Variants in LUZP2 observed in about 807,000 individuals in gnomAD.
The protein encoded by LUZP2 is leucine zipper protein 2.
Under a neutral mutation model 51.6 loss-of-function variants are expected in LUZP2, and 52 were observed. That is an observed-to-expected ratio of 1.01 (90% confidence interval 0.81 to 1.27). The LOEUF is 1.27. Among genes scored for constraint, LUZP2 ranks in the 50% most tolerant of loss-of-function variants. The pLI is 0.00. For synonymous variants in LUZP2, 154 were observed against 137.3 expected, an observed-to-expected ratio of 1.12 and a Z score of -0.85; for missense variants, 436 against 395.4, an observed-to-expected ratio of 1.10 and a Z score of -0.87.
At chr11:24,690,143 G>T (rs1053287103) in intron 1 of LUZP2, among the ~76,000 whole-genome samples, 2 of 151,786 alleles carry the variant, frequency 1.3e-5, no homozygotes, top group African/African-American at 4.8e-5. Context: ...ATTTTTATAA[G>T]ATTTTAATTT....
intron 7 of LUZP2, among the ~76,000 whole-genome samples, chr11:24,961,380 C>G (rs1003044793): frequency 2.0e-5 from 3 of 152,114 alleles, no homozygotes; most frequent in African/African-American, 4.8e-5. Flanking sequence ...GTGTGGGAGT[C>G]TAAGTCTCTT....
intron 9 of LUZP2, among the ~76,000 whole-genome samples, chr11:25,002,875 G>T (rs1042660694): frequency 1.1e-4 from 16 of 151,916 alleles, no homozygotes; most frequent in Non-Finnish European, 2.1e-4. Context: ...TTGCCCTCTG[G>T]GTCTCCTTGA....
Position 24,726,898 on chromosome 11 carries a change from T to C in LUZP2, c.63-2271T>C, listed in dbSNP as rs184117758. 7.7e-3 allele frequency among the ~76,000 whole-genome samples: 1,179 copies of C among 152,208 alleles called. 9 individuals are homozygous for C. Among genetic ancestry groups the C allele is most frequent in the Non-Finnish European group, 0.01 (693 of 67,964 alleles). ...AAAATGTTAGCCAATACTTTCATTA[T>C]GGTTACTTCCGCAGTGTAATTTGGT... On this transcript the variant is annotated intron_variant, in intron 1 of 11. Coordinates refer to ENST00000336930, the MANE Select transcript of LUZP2 (RefSeq NM_001009909.4).
chr11:24,664,843 T>G, intron 1 of LUZP2, among the ~76,000 whole-genome samples: 1 of 152,032 alleles, frequency 6.6e-6, no homozygotes, highest in East Asian at 1.9e-4. Flanking sequence ...CAGGCAGGAG[T>G]TTGCTGCAGG....
intron 7 of LUZP2, among the ~76,000 whole-genome samples, chr11:24,930,829 A>C (rs1458090872): frequency 1.3e-5 from 2 of 152,158 alleles, no homozygotes; most frequent in African/African-American, 4.8e-5. Context: ...TTCTAAACTT[A>C]TAGATTTCTT....
At chr11:24,597,958 G>A (rs11028043) in intron 1 of LUZP2, among the ~76,000 whole-genome samples, 26,198 of 151,976 alleles carry the variant, frequency 0.17, 2,702 homozygotes, top group Middle Eastern at 0.33. Flanking sequence ...AAAATTAGCC[G>A]GGTGTGATGG....
intron 5 of LUZP2, among the ~76,000 whole-genome samples, chr11:24,781,989 C>A (rs1329877936): frequency 6.6e-6 from 1 of 151,956 alleles, no homozygotes; most frequent in African/African-American, 2.4e-5. Context: ...GATAAGAAGA[C>A]TCTAAGTAAG....
chr11:25,009,265 G>A (rs901542031), intron 9 of LUZP2, among the ~76,000 whole-genome samples: 1 of 152,098 alleles, frequency 6.6e-6, no homozygotes, highest in Non-Finnish European at 1.5e-5. Context: ...AGTGAGATAC[G>A]TACTTTAAAT....
At position 24,683,031 on chromosome 11, in the gene LUZP2, T is replaced by C. The variant is rs370909629; in HGVS notation, c.63-46138T>C. Reference sequence around the variant, plus strand: ...TTAGTGATTGTGGGAAAGCCAAATATGTGCTCTCATTGAACATCATATCAG... The same window carrying C: ...TTAGTGATTGTGGGAAAGCCAAATACGTGCTCTCATTGAACATCATATCAG... On this transcript the variant is annotated intron_variant, in intron 1 of 11. Transcript: ENST00000336930. 1.6e-4 allele frequency among the ~76,000 whole-genome samples: 24 copies of C among 152,150 alleles called. 1 individual carries two copies. The highest frequency in any genetic ancestry group is 1.2e-3 in the Admixed American group (18 of 15,276).
At chr11:24,890,018 G>A (rs946391783) in intron 5 of LUZP2, among the ~76,000 whole-genome samples, 2 of 152,166 alleles carry the variant, frequency 1.3e-5, no homozygotes, top group South Asian at 4.1e-4. Flanking sequence ...GGGAATTCAA[G>A]TGAAATTTTA....
At chr11:24,656,594 T>C (rs916108549) in intron 1 of LUZP2, among the ~76,000 whole-genome samples, 2 of 152,164 alleles carry the variant, frequency 1.3e-5, no homozygotes, top group Non-Finnish European at 2.9e-5. Flanking sequence ...TGGGAAAGAA[T>C]CTTCTTCCGA....
At chr11:24,701,317 G>A (rs551000648) in intron 1 of LUZP2, 2 of 167,026 alleles carry the variant, frequency 1.2e-5, no homozygotes, top group South Asian at 4.1e-4. Context: ...GGCAGTAAAG[G>A]AATAACTCAA....
chr11:24,554,490 A>G (rs555839681), intron 1 of LUZP2, among the ~76,000 whole-genome samples: 1 of 152,176 alleles, frequency 6.6e-6, no homozygotes, highest in Non-Finnish European at 1.5e-5. Flanking sequence ...AAGAAAGTTA[A>G]TTTTTTGCCA....
intron 1 of LUZP2, among the ~76,000 whole-genome samples, chr11:24,522,518 G>A (rs925968722): frequency 2.6e-5 from 4 of 152,062 alleles, no homozygotes; most frequent in Non-Finnish European, 5.9e-5. Flanking sequence ...GTCCTTTGAG[G>A]ACAGGGTGTG....
intron 1 of LUZP2, among the ~76,000 whole-genome samples, chr11:24,695,317 C>A (rs924767994): frequency 6.6e-6 from 1 of 151,860 alleles, no homozygotes; most frequent in Admixed American, 6.6e-5. Context: ...AAAATGTGAT[C>A]TTTAAATTTT....
chr11:24,820,917 A>C (rs1283692689), intron 5 of LUZP2, among the ~76,000 whole-genome samples: 1 of 152,142 alleles, frequency 6.6e-6, no homozygotes, highest in Non-Finnish European at 1.5e-5. Context: ...GTCAGTGGTG[A>C]CATCAGTGGA....
chr11:24,836,381 A>C (rs1010878443), intron 5 of LUZP2, among the ~76,000 whole-genome samples: 1 of 151,966 alleles, frequency 6.6e-6, no homozygotes, highest in African/African-American at 2.4e-5. Flanking sequence ...TTGAAAATGT[A>C]GTTATTAAAA....
intron 3 of LUZP2, among the ~76,000 whole-genome samples, chr11:24,732,886 G>T (rs1196649565): frequency 6.6e-6 from 1 of 151,576 alleles, no homozygotes; most frequent in Non-Finnish European, 1.5e-5. Flanking sequence ...CCATTTTGTA[G>T]ATGGCAAATT....
At chr11:25,064,750 A>C (rs1858950418) in intron 10 of LUZP2, among the ~76,000 whole-genome samples, 1 of 151,932 alleles carries the variant, frequency 6.6e-6, no homozygotes. Context: ...CCATTTTCCC[A>C]ATCTGCTCTC....
Sources: allele counts gnomAD v4.1 joint callset (sites outside exome capture counted in the v4.1 genomes callset), GRCh38; gene constraint gnomAD v4.1.1; transcripts MANE v1.5; gene names NCBI Gene and HGNC (gene_info 2026-07-23, HGNC 2026-07-21).